Variants in LRIG2 observed in about 807,000 individuals in gnomAD.
LRIG2 encodes the protein leucine rich repeats and immunoglobulin like domains 2, also known as leucine-rich repeats and immunoglobulin-like domains protein 2.
A neutral mutation model predicts 107.8 loss-of-function variants in LRIG2; 93 were observed. The observed-to-expected ratio is 0.86, with a 90% CI of 0.73 to 1.03. The LOEUF is 1.03. Ranked by LOEUF, LRIG2 falls within the 50% of genes least tolerant of loss-of-function variation. The pLI is 0.00. For synonymous variants in LRIG2, 471 were observed against 470.6 expected (o/e 1.00, Z -0.01); for missense variants, 1,226 against 1,296.0 (o/e 0.95, Z 0.83).
At chr1:113,089,676 C>T (rs372937189) in intron 1 of LRIG2, among the ~76,000 whole-genome samples, 69 of 71,672 alleles carry the variant, frequency 9.6e-4, no homozygotes, top group East Asian at 3.1e-3. Flanking sequence ...AGGTGGATTG[C>T]TTTTTTTTTT....
chr1:113,093,405 C>T (rs1471331860), intron 3 of LRIG2, 25 bp from the exon 4 acceptor site: 2 of 1,611,730 alleles, frequency 1.2e-6, no homozygotes, highest in Non-Finnish European at 8.5e-7. Context: ...GTGGCAGCAG[C>T]TTCATTATAA....
intron 15 of LRIG2, 117 bp from the exon 16 acceptor site, chr1:113,116,170 T>G (rs547391598): frequency 2.8e-6 from 2 of 715,762 alleles, no homozygotes; most frequent in African/African-American, 3.6e-5. Flanking sequence ...GTTGCGGTCC[T>G]AGGTACGTAC....
At chr1:113,081,789 G>A (rs1653298953) in intron 1 of LRIG2, among the ~76,000 whole-genome samples, 1 of 152,092 alleles carries the variant, frequency 6.6e-6, no homozygotes, top group Non-Finnish European at 1.5e-5. Context: ...CCTAAGTGCT[G>A]GATTACAGGC....
intron 4 of LRIG2, among the ~76,000 whole-genome samples, chr1:113,093,787 TAA>T (rs1434359513): frequency 6.6e-6 from 1 of 152,130 alleles, no homozygotes; most frequent in South Asian, 2.1e-4. Flanking sequence ...AATAAATAAA[TAA>T]AAATAAAATA....
At chr1:113,091,996 GA>G (rs1351163714) in intron 2 of LRIG2, among the ~76,000 whole-genome samples, 1 of 152,174 alleles carries the variant, frequency 6.6e-6, no homozygotes, top group African/African-American at 2.4e-5. Flanking sequence ...AGAACCCTGA[GA>G]TTTACTTTCC....
At chr1:113,115,249 G>T (rs996681794) in intron 15 of LRIG2, among the ~76,000 whole-genome samples, 5 of 152,228 alleles carry the variant, frequency 3.3e-5, no homozygotes, top group African/African-American at 1.2e-4. Flanking sequence ...GGGTGTTACT[G>T]TAATGCCCAG....
intron 1 of LRIG2, among the ~76,000 whole-genome samples, chr1:113,084,028 A>G (rs1653418018): frequency 7.0e-6 from 1 of 142,450 alleles, no homozygotes; most frequent in Non-Finnish European, 1.5e-5. Context: ...AATAATAATA[A>G]TAATAATAAT....
At chr1:113,097,057 C>T (rs1177618609) in intron 8 of LRIG2, among the ~76,000 whole-genome samples, 9 of 151,642 alleles carry the variant, frequency 5.9e-5, no homozygotes, top group African/African-American at 1.7e-4. Context: ...CTCCTTTATA[C>T]GGTGAAGGAA....
In LRIG2 at chr1:113,119,483, G is replaced by T. The variant is rs1015906338; in HGVS notation, c.2931G>T (p.Arg977Ser). The T allele has an allele frequency of 3.7e-6, 6 of 1,614,026 alleles. No homozygotes were observed. The African/African-American group carries it at 8.0e-5, about 22-fold the overall frequency. ...CTGCCTTTCCCACCAACCATGAGAG[G>T]ATAAGTGAGAAGAAACTTCCCTCCA... ...EPSAFPTNHE[R>S]ISEKKLPSTQ... The change falls in exon 17 of 18, where the codon AGG becomes AGT. Residue 977 changes from arginine (R) to serine (S), a missense_variant. This residue lies in a region of LRIG2 where 642 missense variants were observed against 712.2 expected (regional missense o/e 0.90). Coordinates refer to ENST00000361127, the MANE Select transcript of LRIG2 (RefSeq NM_014813.3).
intron 6 of LRIG2, 36 bp from the exon 7 acceptor site, chr1:113,095,838 T>C: frequency 6.2e-7 from 1 of 1,613,070 alleles, no homozygotes; most frequent in Non-Finnish European, 8.5e-7. Context: ...TGCCTTGTTT[T>C]GGAACGTATT....
intron 1 of LRIG2, among the ~76,000 whole-genome samples, chr1:113,082,942 C>T (rs181522818): frequency 9.6e-4 from 146 of 151,678 alleles, no homozygotes; most frequent in African/African-American, 3.2e-3. Flanking sequence ...AGGCATGAGC[C>T]ACCACGCCCA....
intron 6 of LRIG2, among the ~76,000 whole-genome samples, chr1:113,094,982 A>ATT (rs386368107): frequency 1.8e-4 from 9 of 50,416 alleles, no homozygotes; most frequent in Non-Finnish European, 3.2e-4. Flanking sequence ...ATATATATAT[A>ATT]TATTTTTTTT....
In LRIG2 at chr1:113,096,234, T is replaced by A. The variant is rs940331224; in HGVS notation, c.960T>A (p.Tyr320Ter). 3 of 1,613,768 alleles carry A rather than the reference T, an allele frequency of 1.9e-6. No homozygotes were observed. Among genetic ancestry groups the A allele is most frequent in the Non-Finnish European group, 1.7e-6 (2 of 1,179,950 alleles). ...CQRLSELDLS[Y>*]NQLTRLDESA... ...TTCTTGTTTTCAGTGATTTGTCCTATAACCAGCTGACCCGCCTGGATGAAT... is the reference window on the plus strand; with the variant it reads ...TTCTTGTTTTCAGTGATTTGTCCTAAAACCAGCTGACCCGCCTGGATGAAT... The change falls in exon 8 of 18, where the codon TAT becomes TAA. Residue 320 changes from tyrosine to a stop codon, truncating the protein, a stop_gained. Coordinates refer to ENST00000361127, the MANE Select transcript of LRIG2 (RefSeq NM_014813.3). LOFTEE classifies it high-confidence loss of function.
At chr1:113,121,929 A>G (rs1655273750) in intron 17 of LRIG2, among the ~76,000 whole-genome samples, 1 of 152,084 alleles carries the variant, frequency 6.6e-6, no homozygotes, top group South Asian at 2.1e-4. Context: ...GGAACATTCA[A>G]GATGGTAGTG....
At chr1:113,080,065 G>T (rs1357922615) in intron 1 of LRIG2, among the ~76,000 whole-genome samples, 2 of 133,940 alleles carry the variant, frequency 1.5e-5, no homozygotes, top group Admixed American at 1.7e-4. Context: ...TCTGTCGCCA[G>T]GCTGGAGTGC....
Position 113,114,571 on chromosome 1 carries a change from A to G in LRIG2, c.2225A>G (p.His742Arg), listed in dbSNP as rs780105082. Residue 742 changes from histidine to arginine, a missense_variant, in exon 15 of 18, where the codon CAT becomes CGT. His to Arg is a conservative substitution (Grantham distance 29). Coordinates refer to ENST00000361127, the MANE Select transcript of LRIG2 (RefSeq NM_014813.3). ...DDGPLLVTERHFFAAANQLLI... is the reference protein window; with the variant it reads ...DDGPLLVTERRFFAAANQLLI... ...GGGCCTTTGCTGGTGACAGAACGAC[A>G]TTTCTTTGCTGCAGCCAATCAGCTT... The G allele has an allele frequency of 4.3e-6, 7 of 1,614,036 alleles. No individual in the cohort carries two copies. The highest frequency in any genetic ancestry group is 3.3e-5 in the Admixed American group (2 of 59,990).
rs1472492208 is a variant in LRIG2 at position 113,100,501 on chromosome 1, T to G, written c.1313+13T>G. 1 of 1,438,958 alleles carries G rather than the reference T, an allele frequency of 6.9e-7. No individual in the cohort carries two copies. The highest frequency in any genetic ancestry group is 2.3e-5 in the East Asian group (1 of 43,690). 89.1% of individuals were successfully genotyped at this position (1,438,958 alleles called of 1,614,324 possible). A position where few individuals can be genotyped will look rare whatever the true frequency, so the allele number is the denominator to read the frequency against. ...ATTTAAAAGAACTGTAAGTAACTTG[T>G]CTTTTTAAAATCACCAGTTGGATCA... is the stretch of plus-strand genomic sequence containing the variant. On this transcript the variant is annotated intron_variant, in intron 11 of 17. Coordinates refer to ENST00000361127, the MANE Select transcript of LRIG2 (RefSeq NM_014813.3).
chr1:113,101,230 G>C (rs779701721), intron 11 of LRIG2, among the ~76,000 whole-genome samples: 1 of 152,056 alleles, frequency 6.6e-6, no homozygotes, highest in Non-Finnish European at 1.5e-5. Flanking sequence ...CACCACACCC[G>C]GCTAATGTTT....
chr1:113,074,537 T>G (rs1242228631), intron 1 of LRIG2, among the ~76,000 whole-genome samples: 2 of 152,172 alleles, frequency 1.3e-5, no homozygotes, highest in Non-Finnish European at 2.9e-5. Context: ...TCTTAACCAC[T>G]AACATACAGT....
Sources: allele counts gnomAD v4.1 joint callset (sites outside exome capture counted in the v4.1 genomes callset), GRCh38; gene constraint gnomAD v4.1.1; regional missense constraint gnomAD v4.1.1; transcripts MANE v1.5; gene names NCBI Gene and HGNC (gene_info 2026-07-23, HGNC 2026-07-21).